RBM33: variants seen among roughly 807,000 people sequenced by gnomAD.
The protein encoded by RBM33 is RNA-binding protein 33.
A neutral mutation model predicts 132.6 loss-of-function variants in RBM33; 28 were observed. The ratio of observed to expected loss-of-function variants is 0.21; its 90% CI spans 0.16 to 0.29. RBM33 has a LOEUF of 0.29. Ranked by LOEUF, RBM33 falls within the 10% of genes least tolerant of loss-of-function variation. The pLI is 1.00. For synonymous variants in RBM33, 634 were observed against 593.0 expected (o/e 1.07, Z -1.01); for missense variants, 1,291 against 1,518.5 (o/e 0.85, Z 2.49).
intron 2 of RBM33, among the ~76,000 whole-genome samples, chr7:155,671,094 A>G (rs4283920): frequency 0.64 from 96,843 of 151,910 alleles, 31,951 homozygotes; most frequent in South Asian, 0.77. Flanking sequence ...TCTTTAAAAG[A>G]GGTGCTTGTG....
At chr7:155,673,569 TAC>T (rs1167593052) in intron 3 of RBM33, among the ~76,000 whole-genome samples, 10 of 93,218 alleles carry the variant, frequency 1.1e-4, no homozygotes, top group South Asian at 3.5e-4. Context: ...TACACACATA[TAC>T]ATACACACGT....
chr7:155,663,338 G>A (rs1798708083), intron 1 of RBM33, among the ~76,000 whole-genome samples: 1 of 152,020 alleles, frequency 6.6e-6, no homozygotes, highest in Non-Finnish European at 1.5e-5. Context: ...GGTTCTGTAG[G>A]CTGTACAAGT....
chr7:155,680,963 C>A, intron 5 of RBM33, 55 bp downstream of exon 5: 2 of 1,391,442 alleles, frequency 1.4e-6, no homozygotes, highest in Non-Finnish European at 2.0e-6. Flanking sequence ...CATGCATAGG[C>A]TTCTAGACTG....
At chr7:155,754,202 G>A (rs1920450) in intron 14 of RBM33, among the ~76,000 whole-genome samples, 36,675 of 152,046 alleles carry the variant, frequency 0.24, 4,694 homozygotes, top group African/African-American at 0.32. Flanking sequence ...AAAATTAGCA[G>A]GTGAGTCAGA....
intron 14 of RBM33, among the ~76,000 whole-genome samples, chr7:155,759,593 G>A (rs1046742963): frequency 1.4e-4 from 21 of 151,598 alleles, no homozygotes; most frequent in African/African-American, 5.1e-4. Flanking sequence ...AATTTTTTTT[G>A]TATTTTTAGT....
intron 3 of RBM33, among the ~76,000 whole-genome samples, chr7:155,673,763 T>TGCGCGC (rs1491204659): frequency 5.1e-5 from 2 of 39,308 alleles, no homozygotes; most frequent in African/African-American, 1.3e-4. Flanking sequence ...TACGCGCGCA[T>TGCGCGC]GCGCGCACAC....
Position 155,711,299 on chromosome 7 carries a change from C to G in RBM33, c.1045C>G (p.His349Asp), listed in dbSNP as rs754924921. 6.2e-7 allele frequency: 1 copy of G among 1,607,640 alleles called. No individual in the cohort carries two copies. Among genetic ancestry groups the G allele is most frequent in the South Asian group, 1.1e-5 (1 of 90,124 alleles). ...GCTGCAGCCGCTGCTTCCGGTGCAG[C>G]ACCCGCACCACCCATCCCCGCCTCA... ...QPLQPLLPVQ[H>D]PHHPSPPQGM... is the part of the protein sequence containing the mutation. The change falls in exon 8 of 18, where the codon CAC (histidine) becomes GAC (aspartate). Residue 349 changes from histidine (H) to aspartate (D), a missense_variant. By Grantham distance (81) the His-to-Asp change is moderately conservative (BLOSUM62 -1). Around this residue, in one of 7 missense-constraint regions of RBM33, gnomAD observed 146 missense variants for 137.1 expected, o/e 1.07. Transcript: ENST00000401878.
rs968527640 is a variant in RBM33 at position 155,711,334 on chromosome 7, C to T, written c.1080C>T (p.His360=). The part of the protein sequence containing the change: ...PHHPSPPQGM[H]MPPQLETPRM... ...ACCCATCCCCGCCTCAGGGAATGCA[C>T]ATGCCTCCCCAGCTAGAGACCCCAA... The change falls in exon 8 of 18, where the codon CAC becomes CAT. Residue 360 remains histidine, a synonymous_variant. Transcript: ENST00000401878. 97 of 1,604,814 alleles carry T rather than the reference C, an allele frequency of 6.0e-5. No homozygotes were observed. The highest frequency in any genetic ancestry group is 8.0e-5 in the Non-Finnish European group (94 of 1,175,946).
At chr7:155,665,012 C>T (rs1040400286) in intron 1 of RBM33, among the ~76,000 whole-genome samples, 163 bp from the exon 2 acceptor site, 3 of 151,150 alleles carry the variant, frequency 2.0e-5, no homozygotes, top group African/African-American at 7.3e-5. Flanking sequence ...AAAGATGTTT[C>T]ATTATTAAAA....
intron 8 of RBM33, among the ~76,000 whole-genome samples, chr7:155,714,962 A>G (rs772820411): frequency 4.6e-5 from 7 of 152,082 alleles, no homozygotes; most frequent in Non-Finnish European, 1.0e-4. Context: ...TCTGCGGGTC[A>G]CCACCAGGCC....
intron 5 of RBM33, among the ~76,000 whole-genome samples, chr7:155,694,850 GCTA>G (rs1467076664): frequency 6.6e-6 from 1 of 152,180 alleles, no homozygotes; most frequent in Non-Finnish European, 1.5e-5. Context: ...TATGAATAAA[GCTA>G]CTAAAAGGAT....
At position 155,695,974 on chromosome 7, in the gene RBM33, A is replaced by G. The variant is rs139173234; in HGVS notation, c.568-4799A>G. On this transcript the variant is annotated intron_variant, in intron 5 of 17. Coordinates refer to ENST00000401878, the MANE Select transcript of RBM33 (RefSeq NM_053043.3). Reference sequence around the variant, plus strand: ...TGTGGTATGAGATTCCGTTTTTTCCATACGTTTTTCTAATTGTTCACCACT... The same window carrying G: ...TGTGGTATGAGATTCCGTTTTTTCCGTACGTTTTTCTAATTGTTCACCACT... Among the ~76,000 whole-genome samples, 174 of 152,154 alleles carry G rather than the reference A, an allele frequency of 1.1e-3. 2 individuals carry two copies. Among genetic ancestry groups the G allele is most frequent in the African/African-American group, 4.0e-3 (165 of 41,516 alleles).
In RBM33 at chr7:155,770,448, C is replaced by G. The variant is rs1210856207; in HGVS notation, c.3375+3793C>G. On this transcript the variant is annotated intron_variant, in intron 16 of 17. Coordinates refer to ENST00000401878, the MANE Select transcript of RBM33 (RefSeq NM_053043.3). ...CTCACTGAGGCTCTGCAGGGGCTCT[C>G]GGCCCTTCCTGCCAGGGAGTGCCTC... is the stretch of plus-strand genomic sequence containing the variant. Among the ~76,000 whole-genome samples, 12 of 152,204 alleles carry G rather than the reference C, an allele frequency of 7.9e-5. 1 individual carries two copies. The highest frequency in any genetic ancestry group is 7.9e-4 in the Admixed American group (12 of 15,280).
At chr7:155,761,213 T>C (rs1168310565) in intron 14 of RBM33, among the ~76,000 whole-genome samples, 1 of 152,254 alleles carries the variant, frequency 6.6e-6, no homozygotes, top group African/African-American at 2.4e-5. Context: ...TTTAGTCTGC[T>C]AATATTCTGT....
chr7:155,759,400 C>T (rs924758691), intron 14 of RBM33, among the ~76,000 whole-genome samples: 4 of 149,534 alleles, frequency 2.7e-5, no homozygotes, highest in South Asian at 4.2e-4. Flanking sequence ...TATTTATTGA[C>T]TCAATGTTTA....
At chr7:155,751,198 T>C (rs984457318) in intron 14 of RBM33, among the ~76,000 whole-genome samples, 2 of 152,222 alleles carry the variant, frequency 1.3e-5, no homozygotes, top group Non-Finnish European at 2.9e-5. Context: ...ATACGTTCTT[T>C]ATCAGATTCA....
At chr7:155,717,982 A>T (rs928566981) in intron 8 of RBM33, among the ~76,000 whole-genome samples, 9 of 152,026 alleles carry the variant, frequency 5.9e-5, no homozygotes, top group Admixed American at 4.6e-4. Flanking sequence ...TTCATGATTC[A>T]TGAGGATTGA....
At chr7:155,730,380 C>G (rs1322579213) in intron 9 of RBM33, among the ~76,000 whole-genome samples, 2 of 152,170 alleles carry the variant, frequency 1.3e-5, no homozygotes, top group Non-Finnish European at 2.9e-5. Context: ...ATGTCAGAAG[C>G]TATATATCGT....
At chr7:155,709,394 C>T (rs184760193) in intron 7 of RBM33, among the ~76,000 whole-genome samples, 19 of 152,242 alleles carry the variant, frequency 1.2e-4, no homozygotes, top group African/African-American at 2.9e-4. Context: ...CATTTTTCTT[C>T]AGGTTTTGTT....
Sources: allele counts gnomAD v4.1 joint callset (sites outside exome capture counted in the v4.1 genomes callset), GRCh38; gene constraint gnomAD v4.1.1; regional missense constraint gnomAD v4.1.1; transcripts MANE v1.5; gene names NCBI Gene and HGNC (gene_info 2026-07-23, HGNC 2026-07-21).